KCND2: variants seen among roughly 807,000 people sequenced by gnomAD.
KCND2 encodes the protein A-type voltage-gated potassium channel KCND2.
In KCND2, 16 loss-of-function variants were observed where a neutral mutation model predicts 54.4. That is an observed-to-expected ratio of 0.29 (90% CI 0.20 to 0.45). The LOEUF (loss-of-function observed/expected upper bound fraction) is 0.45, where lower values mean the gene tolerates loss of function less well. Ranked by LOEUF, KCND2 falls within the 20% of genes least tolerant of loss-of-function variation. The pLI, the probability that KCND2 is intolerant of heterozygous loss-of-function variation, is 1.00. For synonymous variants in KCND2, 317 were observed against 310.7 expected, an observed-to-expected ratio of 1.02 and a Z score of -0.21; for missense variants, 486 against 824.2, an observed-to-expected ratio of 0.59 and a Z score of 5.02.
chr7:120,504,796 T>A (rs191661682), intron 1 of KCND2, among the ~76,000 whole-genome samples: 21 of 151,880 alleles, frequency 1.4e-4, no homozygotes, highest in Non-Finnish European at 2.7e-4. Context: ...AATACACAGA[T>A]GCATTTTTTT....
intron 1 of KCND2, among the ~76,000 whole-genome samples, chr7:120,624,403 C>T (rs534757593): frequency 7.2e-5 from 11 of 152,194 alleles, no homozygotes; most frequent in East Asian, 1.9e-4. Context: ...TGCATTATAT[C>T]GGAAGAGAGA....
At chr7:120,472,483 G>A (rs1368597581) in intron 1 of KCND2, among the ~76,000 whole-genome samples, 1 of 151,946 alleles carries the variant, frequency 6.6e-6, no homozygotes, top group African/African-American at 2.4e-5. Flanking sequence ...TTGCTATCAT[G>A]GGCAATTTAC....
intron 1 of KCND2, among the ~76,000 whole-genome samples, chr7:120,503,471 C>T (rs768317714): frequency 1.2e-4 from 18 of 151,790 alleles, no homozygotes; most frequent in Non-Finnish European, 2.2e-4. Context: ...TTTTTTCAGT[C>T]ACTTTCTAAG....
intron 1 of KCND2, among the ~76,000 whole-genome samples, chr7:120,624,816 A>C (rs2116506211): frequency 6.6e-6 from 1 of 152,232 alleles, no homozygotes; most frequent in African/African-American, 2.4e-5. Flanking sequence ...GGGATAAAAA[A>C]TAAGTCAATC....
chr7:120,716,444 G>A (rs1247747389), intron 1 of KCND2, among the ~76,000 whole-genome samples: 1 of 152,020 alleles, frequency 6.6e-6, no homozygotes, highest in East Asian at 1.9e-4. Flanking sequence ...GGCTTGTGCG[G>A]AAAGGAGAAT....
chr7:120,424,207 A>G (rs1329985777), intron 1 of KCND2, among the ~76,000 whole-genome samples: 3 of 152,188 alleles, frequency 2.0e-5, no homozygotes, highest in Non-Finnish European at 2.9e-5. Context: ...TTGAAATCAG[A>G]TCATTGACAT....
At chr7:120,684,210 G>T (rs566033245) in intron 1 of KCND2, among the ~76,000 whole-genome samples, 64 of 152,168 alleles carry the variant, frequency 4.2e-4, no homozygotes, top group African/African-American at 1.5e-3. Context: ...GTTATTCCTG[G>T]GGCCTTCAGA....
intron 1 of KCND2, among the ~76,000 whole-genome samples, chr7:120,632,981 G>A (rs140875800): frequency 6.9e-4 from 105 of 152,272 alleles, no homozygotes; most frequent in Middle Eastern, 3.4e-3. Context: ...CATAAGGAGA[G>A]GCTTTAAAAC....
At chr7:120,747,252 T>C (rs1388745147) in intron 5 of KCND2, among the ~76,000 whole-genome samples, 5 of 152,044 alleles carry the variant, frequency 3.3e-5, no homozygotes, top group African/African-American at 4.8e-5. Context: ...GGGCATTATA[T>C]ATCCCAAAAA....
chr7:120,305,078 A>G (rs569808185), intron 1 of KCND2, among the ~76,000 whole-genome samples: 1 of 152,274 alleles, frequency 6.6e-6, no homozygotes, highest in South Asian at 2.1e-4. Context: ...AAAGATTGCT[A>G]TTTCTTTATT....
chr7:120,396,588 A>G (rs1234503217), intron 1 of KCND2, among the ~76,000 whole-genome samples: 1 of 151,984 alleles, frequency 6.6e-6, no homozygotes, highest in Non-Finnish European at 1.5e-5. Context: ...GTGAGTTTCT[A>G]CTAACGTTGG....
intron 1 of KCND2, among the ~76,000 whole-genome samples, chr7:120,361,369 G>T (rs553604293): frequency 2.0e-5 from 3 of 150,598 alleles, no homozygotes; most frequent in Admixed American, 2.0e-4. Context: ...TCTTGGAAAT[G>T]GGACAAGTTC....
chr7:120,289,444 C>A (rs541578372), intron 1 of KCND2, among the ~76,000 whole-genome samples: 1 of 152,084 alleles, frequency 6.6e-6, no homozygotes, highest in South Asian at 2.1e-4. Context: ...TAAAAAGGAA[C>A]CAAGAACAAA....
intron 1 of KCND2, among the ~76,000 whole-genome samples, chr7:120,698,202 A>T (rs540431916): frequency 6.6e-6 from 1 of 152,104 alleles, no homozygotes; most frequent in East Asian, 1.9e-4. Flanking sequence ...TTTAGTATAA[A>T]TGGGGTTTTG....
chr7:120,278,993 T>C (rs577341706), intron 1 of KCND2, among the ~76,000 whole-genome samples: 1 of 152,012 alleles, frequency 6.6e-6, no homozygotes, highest in South Asian at 2.1e-4. Flanking sequence ...CTTTCCATAA[T>C]GTAAACTCTA....
intron 1 of KCND2, among the ~76,000 whole-genome samples, chr7:120,725,187 G>C (rs1177225696): frequency 6.6e-6 from 1 of 152,146 alleles, no homozygotes; most frequent in African/African-American, 2.4e-5. Context: ...TGTTGAGAAT[G>C]TTGAGTAGAT....
intron 1 of KCND2, among the ~76,000 whole-genome samples, chr7:120,535,192 C>A (rs559393561): frequency 4.7e-4 from 72 of 152,254 alleles, no homozygotes; most frequent in African/African-American, 1.6e-3. Context: ...CATCATTATT[C>A]CTTCTCACAA....
chr7:120,393,877 A>G (rs116111127), intron 1 of KCND2, among the ~76,000 whole-genome samples: 1 of 152,162 alleles, frequency 6.6e-6, no homozygotes, highest in African/African-American at 2.4e-5. Context: ...CATAGGCTTA[A>G]AAATGATGAC....
At chr7:120,463,749 C>T (rs1802321625) in intron 1 of KCND2, among the ~76,000 whole-genome samples, 1 of 152,036 alleles carries the variant, frequency 6.6e-6, no homozygotes, top group Non-Finnish European at 1.5e-5. Context: ...GGTGACATCG[C>T]AGATTATATT....
Sources: allele counts gnomAD v4.1 joint callset (sites outside exome capture counted in the v4.1 genomes callset), GRCh38; gene constraint gnomAD v4.1.1; transcripts MANE v1.5; gene names NCBI Gene and HGNC (gene_info 2026-07-23, HGNC 2026-07-21).